GK: variants seen among roughly 807,000 people sequenced by gnomAD.
The protein encoded by GK is ATP:glycerol 3-phosphotransferase.
In GK, 9 loss-of-function variants were observed where a neutral mutation model predicts 56.4. That is an observed-to-expected ratio of 0.16 (90% CI 0.10 to 0.28). The LOEUF (loss-of-function observed/expected upper bound fraction) is 0.28, where lower values mean the gene tolerates loss of function less well. GK is among the 10% of genes least tolerant of loss of function. The probability of loss-of-function intolerance (pLI) is 1.00; values close to 1 mark genes in which losing one functional copy is unlikely to be tolerated. For missense variants in GK, 161 were observed against 431.4 expected, an observed-to-expected ratio of 0.37 and a Z score of 5.55; for synonymous variants, 104 against 144.1, an observed-to-expected ratio of 0.72 and a Z score of 1.99.
intron 4 of GK, among the ~76,000 whole-genome samples, chrX:30,690,520 T>A (rs1934876111): frequency 9.0e-6 from 1 of 111,685 alleles, no homozygotes; most frequent in African/African-American, 3.2e-5. Flanking sequence ...TTTTTTTTTT[T>A]TATACTCCAG....
intron 4 of GK, among the ~76,000 whole-genome samples, chrX:30,678,790 G>A (rs1175021462): frequency 9.8e-6 from 1 of 102,481 alleles, no homozygotes; most frequent in African/African-American, 3.6e-5. Flanking sequence ...GGGTTCAAGC[G>A]ATTCTCCTGC....
intron 1 of GK, among the ~76,000 whole-genome samples, chrX:30,662,742 T>TTTCC (rs1394256769): frequency 6.7e-5 from 6 of 89,950 alleles, no homozygotes; most frequent in Admixed American, 5.1e-4. Flanking sequence ...TCTTTCCTTC[T>TTTCC]TTCTTTCCTT....
At chrX:30,698,547 C>CA (rs749393547) in intron 9 of GK, 3 of 109,778 alleles carry the variant, frequency 2.7e-5, no homozygotes, top group Non-Finnish European at 3.8e-5. Context: ...ACTAAAAATA[C>CA]AAAAAAATTA....
chrX:30,680,203 CTCAG>C (rs767257874), intron 4 of GK, among the ~76,000 whole-genome samples: 20 of 111,607 alleles, frequency 1.8e-4, no homozygotes, highest in Middle Eastern at 4.6e-3. Context: ...GATAATAATA[CTCAG>C]TAAGTGCTAA....
At chrX:30,700,928 A>G (rs1342769880) in intron 11 of GK, 23 bp downstream of exon 11, 1 of 1,034,038 alleles carries the variant, frequency 9.7e-7, no homozygotes, top group South Asian at 1.9e-5. Context: ...AACAGACTTA[A>G]AAACCAATGC....
rs620 is a variant in GK, at chrX:30,695,940, C to T, written c.553-102C>T. ...AAGAAGGTAAAAAAATGTAATGTTC[C>T]GTTCTTTTGCTTTATGTGCTCTGCT... On this transcript the variant is annotated intron_variant, in intron 6 of 20. Coordinates refer to ENST00000427190, the MANE Select transcript of GK (RefSeq NM_001205019.2). 32,537 of 527,568 alleles carry T rather than the reference C, an allele frequency of 0.062. 890 individuals are homozygous for T. Among genetic ancestry groups the T allele is most frequent in the Non-Finnish European group, 0.08 (23,580 of 293,363 alleles). The allele number at this position is 527,568 out of a possible 1,213,427, so 43.5% of individuals were successfully genotyped here.
chrX:30,728,438 A>G (rs1187890734), intron 20 of GK, among the ~76,000 whole-genome samples: 2 of 112,057 alleles, frequency 1.8e-5, no homozygotes, highest in East Asian at 5.5e-4. Flanking sequence ...CTATGTGTCT[A>G]GAGTCTTAGA....
chrX:30,679,684 C>T (rs1269302412), intron 4 of GK, among the ~76,000 whole-genome samples: 2 of 111,649 alleles, frequency 1.8e-5, no homozygotes, highest in Admixed American at 9.6e-5. Context: ...GCACCCCTCC[C>T]CCATTCTACG....
At chrX:30,713,472 G>A (rs1936458957) in intron 13 of GK, among the ~76,000 whole-genome samples, 1 of 111,606 alleles carries the variant, frequency 9.0e-6, no homozygotes, top group African/African-American at 3.3e-5. Flanking sequence ...GATTTTTGAA[G>A]TACAAACTCA....
chrX:30,665,854 A>G (rs1933044973), intron 2 of GK, among the ~76,000 whole-genome samples: 1 of 112,176 alleles, frequency 8.9e-6, no homozygotes, highest in Non-Finnish European at 1.9e-5. Flanking sequence ...TTAACTTTGA[A>G]GTCATTTAGT....
At chrX:30,695,290 C>T (rs1353455275) in intron 6 of GK, among the ~76,000 whole-genome samples, 2 of 112,328 alleles carry the variant, frequency 1.8e-5, no homozygotes, top group Admixed American at 9.5e-5. Context: ...GCAGAATGTG[C>T]TTTGTGTTCA....
At chrX:30,699,302 GTA>G (rs757052028) in intron 9 of GK, among the ~76,000 whole-genome samples, 23 of 64,026 alleles carry the variant, frequency 3.6e-4, no homozygotes, top group East Asian at 2.1e-3. Context: ...TACATAACAT[GTA>G]TATATATAAC....
chrX:30,705,353 A>G lies in GK; in HGVS notation c.852-2203A>G, dbSNP rs776526368. Among the ~76,000 whole-genome samples, 11 of 112,910 alleles carry G rather than the reference A, an allele frequency of 9.7e-5. No homozygotes were observed. In the East Asian group the frequency reaches 2.2e-3, roughly 23 times the overall value. ...CTTAGCTGTATTTTCCAATTTTTCT[A>G]GAATGTAAAAATTATTTGAACATTA... On this transcript the variant is annotated intron_variant, in intron 11 of 20. Transcript: ENST00000427190.
intron 19 of GK, chrX:30,724,704 GCTCTTAGC>G: frequency 4.2e-6 from 1 of 240,606 alleles, no homozygotes; most frequent in Admixed American, 5.3e-5. Flanking sequence ...ATTGGGAAGT[GCTCTTAGC>G]AGAAAAAATA....
At chrX:30,716,620 C>T (rs1936636329) in intron 13 of GK, among the ~76,000 whole-genome samples, 1 of 111,961 alleles carries the variant, frequency 8.9e-6, no homozygotes, top group African/African-American at 3.2e-5. Context: ...GGTCTAGAAA[C>T]TCTTACATAT....
intron 3 of GK, among the ~76,000 whole-genome samples, chrX:30,677,170 A>G (rs1201874327): frequency 8.9e-6 from 1 of 112,326 alleles, no homozygotes; most frequent in Non-Finnish European, 1.9e-5. Flanking sequence ...GAGTATGTAG[A>G]AATGAAAAGA....
At chrX:30,662,618 C>T (rs753372362) in intron 1 of GK, among the ~76,000 whole-genome samples, 1 of 111,688 alleles carries the variant, frequency 9.0e-6, no homozygotes, top group Admixed American at 9.5e-5. Context: ...ATTCAGAGCC[C>T]CATAGGTCTG....
At chrX:30,703,164 A>G (rs2147224551) in intron 11 of GK, among the ~76,000 whole-genome samples, 1 of 112,415 alleles carries the variant, frequency 8.9e-6, no homozygotes, top group South Asian at 3.7e-4. Flanking sequence ...AAAGATACGT[A>G]TGGGGAAATA....
chrX:30,655,186 A>ATATAT (rs1365338098), intron 1 of GK, among the ~76,000 whole-genome samples: 482 of 112,288 alleles, frequency 4.3e-3, no homozygotes, highest in Non-Finnish European at 7.2e-3. Flanking sequence ...GGCAGGTTTC[A>ATATAT]CTTTGTCTTA....
Sources: gnomAD v4.1 joint callset for allele counts (sites outside exome capture counted in the v4.1 genomes callset) on GRCh38, gnomAD v4.1.1 for gene constraint, MANE v1.5 for transcripts, NCBI Gene and HGNC (gene_info 2026-07-23, HGNC 2026-07-21) for gene names.